The following NINL variants were observed in gnomAD, a reference collection of about 807,000 sequenced individuals.
NINL encodes the protein ninein-like protein.
NINL carries 153 observed loss-of-function variants against 160.3 expected under a neutral mutation model. The observed-to-expected ratio is 0.95, with a 90% CI of 0.84 to 1.09. NINL has a LOEUF of 1.09. Among genes scored for constraint, NINL ranks in the 50% least tolerant of loss-of-function variants. The pLI, the probability that NINL is intolerant of heterozygous loss-of-function variation, is 0.00. For missense variants in NINL, 1,829 were observed against 1,764.0 expected (o/e 1.04, Z -0.66); for synonymous variants, 800 against 734.8 (o/e 1.09, Z -1.43).
chr20:25,532,844 C>T (rs925512839), intron 1 of NINL, among the ~76,000 whole-genome samples: 9 of 152,180 alleles, frequency 5.9e-5, no homozygotes, highest in South Asian at 4.1e-4. Context: ...CCCATACACC[C>T]GATAGAACCT....
At chr20:25,550,337 G>T (rs2064791313) in intron 1 of NINL, among the ~76,000 whole-genome samples, 1 of 152,238 alleles carries the variant, frequency 6.6e-6, no homozygotes, top group Admixed American at 6.5e-5. Flanking sequence ...CTGTGCCCCT[G>T]CATGATGAAG....
In NINL at chr20:25,489,325, C is replaced by G. The variant is rs750041423; in HGVS notation, c.1597-1G>C. 1 of 1,613,498 alleles carries G rather than the reference C, an allele frequency of 6.2e-7. No individual in the cohort carries two copies. The highest frequency in any genetic ancestry group is 8.5e-7 in the Non-Finnish European group (1 of 1,179,950). On this transcript the variant is annotated splice_acceptor_variant, in intron 12 of 23. Transcript: ENST00000278886. LOFTEE classifies it high-confidence loss of function. Reference sequence around the variant, plus strand: ...GGAGCTCTGCACTCTGTGGCTCCAGCTGAAAGGCAGACACAAAGGAAGTCA... The same window carrying G: ...GGAGCTCTGCACTCTGTGGCTCCAGGTGAAAGGCAGACACAAAGGAAGTCA...
rs1423071533 is a variant in NINL at position 25,549,310 on chromosome 20, C to A, written c.-11-22712G>T. Among the ~76,000 whole-genome samples the A allele has an allele frequency of 3.3e-5, 5 of 151,616 alleles. No homozygotes were observed. The East Asian group carries it at 9.8e-4, about 30-fold the overall frequency. ...CACACCCAGCCTCACCCAGGGCTGA[C>A]CCCAGCACACATGGCCACAGCTCCC... On this transcript the variant is annotated intron_variant, in intron 1 of 23. Transcript: ENST00000278886.
chr20:25,500,968 G>A lies in NINL; in HGVS notation c.904C>T (p.Leu302Phe), dbSNP rs764190879. 1.2e-6 allele frequency: 2 copies of A among 1,614,206 alleles called. No individual in the cohort carries two copies. Among genetic ancestry groups the A allele is most frequent in the African/African-American group, 1.3e-5 (1 of 75,072 alleles). ...CGCAGGCTGGAGCACAGGGACACGAGGGATGAGGTTGTGGTGGTGTGGCAG... is the reference window on the plus strand; with the variant it reads ...CGCAGGCTGGAGCACAGGGACACGAAGGATGAGGTTGTGGTGGTGTGGCAG... ...SGCHTTTTSS[L>F]VSLCSSLRLF... Residue 302 changes from leucine (L) to phenylalanine (F), a missense_variant, in exon 8 of 24, where the codon CTC becomes TTC. By Grantham distance (22) the Leu-to-Phe change is conservative (BLOSUM62 0). Transcript: ENST00000278886.
intron 17 of NINL, among the ~76,000 whole-genome samples, chr20:25,473,256 C>T (rs537194580): frequency 2.0e-5 from 3 of 152,214 alleles, no homozygotes; most frequent in Non-Finnish European, 4.4e-5. Flanking sequence ...AATTTGTTGA[C>T]AATTCTCCTA....
intron 1 of NINL, among the ~76,000 whole-genome samples, chr20:25,580,073 C>A (rs974883834): frequency 1.3e-5 from 2 of 152,162 alleles, no homozygotes; most frequent in African/African-American, 4.8e-5. Context: ...TGGCTCAAGC[C>A]TGTAATCCCA....
intron 17 of NINL, among the ~76,000 whole-genome samples, chr20:25,472,087 C>T (rs2063107624): frequency 6.6e-6 from 1 of 151,926 alleles, no homozygotes; most frequent in Admixed American, 6.6e-5. Context: ...CAGGACCAAA[C>T]AGAATTTTTA....
rs370105434 is a variant in NINL, at chr20:25,496,810, C to T, written c.1170-7G>A. 75 of 1,613,410 alleles carry T rather than the reference C, an allele frequency of 4.6e-5. No individual in the cohort carries two copies. In the African/African-American group the frequency reaches 9.3e-4, roughly 20 times the overall value. On this transcript the variant is annotated splice_region_variant and splice_polypyrimidine_tract_variant and intron_variant, in intron 9 of 23. Transcript: ENST00000278886. ...CAGCTGCTCCACCTGCCCTCTGCCA[C>T]AGGAAGGAGACAGGGTCAGATGGGA...
In NINL at chr20:25,498,242, C is replaced by T. The variant is rs747680958; in HGVS notation, c.1137G>A (p.Leu379=). The T allele has an allele frequency of 1.9e-6, 3 of 1,613,092 alleles. No homozygotes were observed. The highest frequency in any genetic ancestry group is 2.5e-6 in the Non-Finnish European group (3 of 1,180,010). Residue 379 remains leucine, a synonymous_variant, in exon 9 of 24, where the codon CTG becomes CTA. Coordinates refer to ENST00000278886, the MANE Select transcript of NINL (RefSeq NM_025176.6). ...TVDSAVQQAA[L]ACYHQELSYQ... ...AGCTCAGCTCCTGGTGGTAGCAGGC[C>T]AGGGCTGCCTGCTGGACGGCACTGT...
chr20:25,476,401 G>A lies in NINL; in HGVS notation c.2890C>T (p.Pro964Ser), dbSNP rs1042610950. 1.3e-6 allele frequency: 2 copies of A among 1,581,976 alleles called. No individual in the cohort carries two copies. The change falls in exon 17 of 24, where the codon CCG becomes TCG. Residue 964 changes from proline (P) to serine (S), a missense_variant. By Grantham distance (74) the Pro-to-Ser change is moderately conservative. Transcript: ENST00000278886. ...GCCTGTCCCCTGCACGAAGCGGCCG[G>A]CCTCAGGGGTGGCTCCCACATCCGT... Reference protein sequence around the residue: ...QPRMWEPPLRPAASCRGQAER... With the variant: ...QPRMWEPPLRSAASCRGQAER...
At chr20:25,497,677 AT>A (rs927863737) in intron 9 of NINL, among the ~76,000 whole-genome samples, 1 of 152,232 alleles carries the variant, frequency 6.6e-6, no homozygotes, top group African/African-American at 2.4e-5. Context: ...GTCACGGGGC[AT>A]TTTGTGACCA....
chr20:25,533,948 G>C (rs1165790859), intron 1 of NINL, among the ~76,000 whole-genome samples: 7 of 152,150 alleles, frequency 4.6e-5, no homozygotes, highest in Non-Finnish European at 7.3e-5. Flanking sequence ...AAAAGCACAG[G>C]CAACAAAAGC....
At chr20:25,477,757 G>T (rs376464207) in intron 16 of NINL, among the ~76,000 whole-genome samples, 1 of 152,180 alleles carries the variant, frequency 6.6e-6, no homozygotes, top group African/African-American at 2.4e-5. Context: ...AGCTCCGGGT[G>T]GGGGCCAGGT....
chr20:25,506,255 T>C (rs1165683096), intron 5 of NINL, among the ~76,000 whole-genome samples: 2 of 152,078 alleles, frequency 1.3e-5, no homozygotes, highest in African/African-American at 4.8e-5. Context: ...AAGAATACTC[T>C]GTCTCAGAAA....
chr20:25,489,164 CTGCGT>C lies in NINL; in HGVS notation c.1677+75_1677+79del, dbSNP rs1176429719. The C allele has an allele frequency of 2.3e-6, 3 of 1,321,678 alleles. No individual in the cohort carries two copies. The African/African-American group carries it at 4.3e-5, about 19-fold the overall frequency. The allele number at this position is 1,321,678 out of a possible 1,614,324, so 81.9% of individuals were successfully genotyped here. A position where few individuals can be genotyped will look rare whatever the true frequency, so the allele number is the denominator to read the frequency against. On this transcript the variant is annotated intron_variant, in intron 13 of 23. Transcript: ENST00000278886. ...GAGGCTCTCCCTGGAGCAGACACTC[CTGCGT>C]TACTGTGGACCACCTGCGTGTGGAG...
intron 1 of NINL, among the ~76,000 whole-genome samples, chr20:25,552,946 C>G (rs1330848847): frequency 6.6e-6 from 1 of 152,070 alleles, no homozygotes; most frequent in Admixed American, 6.6e-5. Flanking sequence ...GCTGAGACAC[C>G]CAGGGAAAGT....
intron 18 of NINL, among the ~76,000 whole-genome samples, chr20:25,469,299 G>A (rs1156986843): frequency 2.8e-4 from 32 of 115,574 alleles, no homozygotes; most frequent in African/African-American, 1.1e-3. Flanking sequence ...GCGCCCCACT[G>A]CCCTGTCCCC....
intron 9 of NINL, among the ~76,000 whole-genome samples, chr20:25,497,345 C>T (rs1204106791): frequency 6.6e-6 from 1 of 152,232 alleles, no homozygotes; most frequent in Non-Finnish European, 1.5e-5. Context: ...ATTGGTGGCA[C>T]CTGCTATTCC....
chr20:25,583,942 G>A (rs1165166910), intron 1 of NINL, among the ~76,000 whole-genome samples: 1 of 152,120 alleles, frequency 6.6e-6, no homozygotes, highest in Non-Finnish European at 1.5e-5. Flanking sequence ...ATGGACACAG[G>A]GAGGGGAACA....
Sources: gnomAD v4.1 joint callset for allele counts (sites outside exome capture counted in the v4.1 genomes callset) on GRCh38, gnomAD v4.1.1 for gene constraint, MANE v1.5 for transcripts, NCBI Gene and HGNC (gene_info 2026-07-23, HGNC 2026-07-21) for gene names.